The following CALN1 variants were observed in gnomAD, a reference collection of about 807,000 sequenced individuals.
CALN1 encodes calneuron 1.
In CALN1, 17 loss-of-function variants were observed where a neutral mutation model predicts 30.6. The ratio of observed to expected loss-of-function variants is 0.56; its 90% CI spans 0.38 to 0.83. CALN1 has a LOEUF of 0.83. CALN1 is among the 40% of genes least tolerant of loss of function. CALN1 has a pLI of 0.00. For missense variants in CALN1, 291 were observed against 354.9 expected (o/e 0.82, Z 1.45); for synonymous variants, 156 against 131.4 (o/e 1.19, Z -1.28).
chr7:72,432,948 A>G (rs1808022234), intron 1 of CALN1, among the ~76,000 whole-genome samples: 2 of 152,312 alleles, frequency 1.3e-5, no homozygotes, highest in South Asian at 4.1e-4. Flanking sequence ...TAGACAGCAC[A>G]TCAAGGAGAG....
At chr7:72,089,311 C>G (rs1446612997) in intron 4 of CALN1, among the ~76,000 whole-genome samples, 1 of 152,020 alleles carries the variant, frequency 6.6e-6, no homozygotes. Flanking sequence ...AGTAAGATAT[C>G]TACCTTCCAC....
intron 2 of CALN1, among the ~76,000 whole-genome samples, chr7:72,363,144 T>A (rs375798556): frequency 6.6e-6 from 1 of 152,230 alleles, no homozygotes; most frequent in Non-Finnish European, 1.5e-5. Context: ...TTAAAAATAT[T>A]AGTTATTTTT....
intron 3 of CALN1, among the ~76,000 whole-genome samples, chr7:72,206,786 T>C (rs1026004071): frequency 1.3e-5 from 2 of 152,212 alleles, no homozygotes; most frequent in Admixed American, 6.5e-5. Context: ...ATATCCCATA[T>C]TGAAGATATG....
intron 2 of CALN1, among the ~76,000 whole-genome samples, chr7:72,399,270 C>CCTT (rs34518236): frequency 2.8e-5 from 3 of 106,778 alleles, no homozygotes; most frequent in African/African-American, 7.5e-5. Context: ...TAACCTATTG[C>CCTT]TTTTTTTTTT....
chr7:72,378,032 G>C (rs1010708051), intron 2 of CALN1, among the ~76,000 whole-genome samples: 11 of 150,938 alleles, frequency 7.3e-5, no homozygotes, highest in African/African-American at 2.4e-4. Flanking sequence ...TTTTTGATTA[G>C]TCTGTTGTTT....
rs1244467587 is a variant in CALN1 at position 71,784,019 on chromosome 7, G to A, written c.*3756C>T. On this transcript the variant is annotated 3_prime_UTR_variant, in exon 7 of 7. Transcript: ENST00000395275. ...TAAACCTCAGTTCACCAAAGTTCAC[G>A]TGTTTGGCTTGCAGGAGTGTGCTCA... is the stretch of plus-strand genomic sequence containing the variant. The A allele has an allele frequency of 1.3e-5, 2 of 152,300 alleles. No individual in the cohort carries two copies. The highest frequency in any genetic ancestry group is 3.4e-3 in the Middle Eastern group (1 of 294). 9.4% of individuals were successfully genotyped at this position (152,300 alleles called of 1,614,324 possible).
intron 4 of CALN1, among the ~76,000 whole-genome samples, chr7:72,049,909 G>A (rs1020521026): frequency 4.0e-5 from 6 of 149,972 alleles, no homozygotes; most frequent in Non-Finnish European, 7.4e-5. Context: ...TCCCAAGTTC[G>A]AGTGATTCTC....
At chr7:72,031,671 G>T (rs1056386159) in intron 4 of CALN1, among the ~76,000 whole-genome samples, 1 of 151,006 alleles carries the variant, frequency 6.6e-6, no homozygotes, top group Admixed American at 6.6e-5. Flanking sequence ...GGGTTCGAGT[G>T]ATCTTCCCAC....
intron 2 of CALN1, among the ~76,000 whole-genome samples, chr7:72,386,814 A>G (rs1805235686): frequency 6.6e-6 from 1 of 152,100 alleles, no homozygotes; most frequent in East Asian, 1.9e-4. Flanking sequence ...TTAAAAAAAT[A>G]AATTTAAGGG....
At chr7:72,300,190 T>C (rs546524318) in intron 2 of CALN1, among the ~76,000 whole-genome samples, 217 of 152,294 alleles carry the variant, frequency 1.4e-3, no homozygotes, top group Non-Finnish European at 2.7e-3. Flanking sequence ...CTTTTTCAAG[T>C]TGTTTTTAAC....
intron 2 of CALN1, among the ~76,000 whole-genome samples, chr7:72,388,066 G>T (rs1805349196): frequency 6.6e-6 from 1 of 152,108 alleles, no homozygotes; most frequent in African/African-American, 2.4e-5. Flanking sequence ...TTTTAATGGT[G>T]AAACGCAAAA....
chr7:72,078,280 G>A (rs1804885137), intron 4 of CALN1, among the ~76,000 whole-genome samples: 1 of 152,078 alleles, frequency 6.6e-6, no homozygotes, highest in Non-Finnish European at 1.5e-5. Flanking sequence ...AGAAGGGAAT[G>A]AGGATTAACC....
chr7:72,371,219 C>T (rs1387813737), intron 2 of CALN1, among the ~76,000 whole-genome samples: 2 of 152,146 alleles, frequency 1.3e-5, no homozygotes, highest in Admixed American at 6.5e-5. Flanking sequence ...TCATGCTTTA[C>T]ATTTAAGTCT....
intron 4 of CALN1, among the ~76,000 whole-genome samples, chr7:72,088,038 C>T (rs1462094192): frequency 2.0e-5 from 3 of 152,040 alleles, no homozygotes; most frequent in African/African-American, 4.8e-5. Context: ...TGTGGTTGCA[C>T]GCGTCTGTAG....
chr7:72,479,759 C>T, the CALN1 span, among the ~76,000 whole-genome samples: 1 of 152,048 alleles, frequency 6.6e-6, no homozygotes, highest in Admixed American at 6.6e-5. Flanking sequence ...TCATGTTGGC[C>T]AGGCTGGTCT....
intron 1 of CALN1, among the ~76,000 whole-genome samples, chr7:72,411,080 G>C (rs903072382): frequency 1.3e-5 from 2 of 152,052 alleles, no homozygotes; most frequent in Non-Finnish European, 2.9e-5. Flanking sequence ...GAATTTAACA[G>C]GACATGTGTA....
chr7:72,365,565 G>A (rs1803828526), intron 2 of CALN1, among the ~76,000 whole-genome samples: 1 of 151,952 alleles, frequency 6.6e-6, no homozygotes, highest in Admixed American at 6.6e-5. Context: ...ATGTAGCTGG[G>A]ACTATAGATG....
intron 4 of CALN1, among the ~76,000 whole-genome samples, chr7:72,086,014 T>TA (rs543924950): frequency 6.6e-6 from 1 of 151,920 alleles, no homozygotes; most frequent in South Asian, 2.1e-4. Flanking sequence ...AAAAAAGAGA[T>TA]AAAAAAATAT....
chr7:72,233,909 C>G, intron 3 of CALN1, among the ~76,000 whole-genome samples: 1 of 152,088 alleles, frequency 6.6e-6, no homozygotes, highest in Non-Finnish European at 1.5e-5. Flanking sequence ...GAGGCTGAGA[C>G]AGGAGAATCG....
Sources: allele counts gnomAD v4.1 joint callset (sites outside exome capture counted in the v4.1 genomes callset), GRCh38; gene constraint gnomAD v4.1.1; transcripts MANE v1.5; gene names NCBI Gene and HGNC (gene_info 2026-07-23, HGNC 2026-07-21).